The following FMOD variants were observed in gnomAD, a reference collection of about 807,000 sequenced individuals.
FMOD encodes the protein KSPG fibromodulin.
Under a neutral mutation model 27.0 loss-of-function variants are expected in FMOD, and 15 were observed. The ratio of observed to expected loss-of-function variants is 0.55; its 90% CI spans 0.37 to 0.85. The LOEUF is 0.85. Ranked by LOEUF, FMOD falls within the 40% of genes least tolerant of loss-of-function variation. The pLI is 0.00. For synonymous variants in FMOD, 210 were observed against 214.0 expected (o/e 0.98, Z 0.16); for missense variants, 460 against 483.2 (o/e 0.95, Z 0.45).
chr1:203,344,974 G>T (rs898898726), intron 2 of FMOD, among the ~76,000 whole-genome samples: 4 of 152,150 alleles, frequency 2.6e-5, no homozygotes, highest in Admixed American at 6.5e-5. Context: ...AAAACTGCCT[G>T]TCAACTTTAA....
intron 2 of FMOD, among the ~76,000 whole-genome samples, chr1:203,344,145 A>G (rs1658846227): frequency 6.6e-6 from 1 of 152,152 alleles, no homozygotes; most frequent in Non-Finnish European, 1.5e-5. Context: ...GGCTGGGTCT[A>G]TGTTATCTGT....
At chr1:203,349,409 A>G (rs1658953606) in intron 1 of FMOD, among the ~76,000 whole-genome samples, 1 of 152,142 alleles carries the variant, frequency 6.6e-6, no homozygotes, top group South Asian at 2.1e-4. Flanking sequence ...TGTGCTAATG[A>G]GATAGGAACA....
In FMOD at chr1:203,342,504, C is replaced by A; in HGVS notation, c.980-10G>T. 6.2e-7 allele frequency: 1 copy of A among 1,612,008 alleles called. No individual in the cohort carries two copies. Among genetic ancestry groups the A allele is most frequent in the South Asian group, 1.1e-5 (1 of 90,866 alleles). ...CTGCTGATGGAGAACTCTGTGGGGA[C>A]AAGAGGAGCACGGGTCAGGGAGAGA... On this transcript the variant is annotated splice_polypyrimidine_tract_variant and intron_variant, in intron 2 of 2. Transcript: ENST00000354955.
rs779498869 is a variant in FMOD, at chr1:203,342,388, G to A, written c.1086C>T (p.Ala362=). ...GNEIKRSAMP[A]DAPLCLRLAS... ...CAAGGCGCAGGCAGAGGGGCGCGTCGGCAGGCATGGCGCTGCGCTTGATCT... is the reference window on the plus strand; with the variant it reads ...CAAGGCGCAGGCAGAGGGGCGCGTCAGCAGGCATGGCGCTGCGCTTGATCT... Residue 362 remains alanine (A), a synonymous_variant, in exon 3 of 3, where the codon GCC becomes GCT. Coordinates refer to ENST00000354955, the MANE Select transcript of FMOD (RefSeq NM_002023.5). 3.0e-5 allele frequency: 49 copies of A among 1,613,642 alleles called. No homozygotes were observed. The highest frequency in any genetic ancestry group is 1.6e-4 in the Middle Eastern group (1 of 6,074).
chr1:203,347,986 G>A lies in FMOD; in HGVS notation c.285C>T (p.Arg95=), dbSNP rs1658922349. ...GAACGAAGGGCAGGTACTTGAGGTT[G>A]CGATTGTCACAGTACATGGCCGTGG... ...NFPTAMYCDN[R]NLKYLPFVPS... The change falls in exon 2 of 3, where the codon CGC becomes CGT. Residue 95 remains arginine (R), a synonymous_variant. Transcript: ENST00000354955. The A allele has an allele frequency of 1.9e-6, 3 of 1,604,016 alleles. No homozygotes were observed. In the South Asian group the frequency reaches 3.3e-5, roughly 18 times the overall value.
chr1:203,346,202 C>T (rs899748848), intron 2 of FMOD, among the ~76,000 whole-genome samples: 6 of 152,056 alleles, frequency 3.9e-5, no homozygotes, highest in Non-Finnish European at 8.8e-5. Flanking sequence ...GAGAGGGTGA[C>T]GACTCTGTTC....
chr1:203,344,000 G>A (rs1400809465), intron 2 of FMOD, among the ~76,000 whole-genome samples: 1 of 152,176 alleles, frequency 6.6e-6, no homozygotes, highest in Non-Finnish European at 1.5e-5. Flanking sequence ...AGCGGAAACT[G>A]GGAAATACTC....
In FMOD at chr1:203,342,446, GAGA is replaced by G. The variant is rs1236165565; in HGVS notation, c.1025_1027del (p.Phe342del). The G allele has an allele frequency of 6.2e-7, 1 of 1,614,188 alleles. No individual in the cohort carries two copies. The highest frequency in any genetic ancestry group is 8.5e-7 in the Non-Finnish European group (1 of 1,179,998). On this transcript the variant is annotated inframe_deletion, in exon 3 of 3. Coordinates refer to ENST00000354955, the MANE Select transcript of FMOD (RefSeq NM_002023.5). ...GTCCAGGCGCAGCACCTGCAGCTTG[GAGA>G]AGTTCACGACGTCCACCACGGTGCA...
chr1:203,343,201 C>T (rs946401160), intron 2 of FMOD, among the ~76,000 whole-genome samples: 1 of 152,178 alleles, frequency 6.6e-6, no homozygotes, highest in African/African-American at 2.4e-5. Flanking sequence ...AATCTACTCC[C>T]TTTTTTAAAC....
chr1:203,346,601 C>G lies in FMOD; in HGVS notation c.979+691G>C, dbSNP rs1658892232. ...GCTCATGTTACCCTAGGAAGGATATCTGCCCTGCCACCAGGGGGTCCTTGT... is the reference window on the plus strand; with the variant it reads ...GCTCATGTTACCCTAGGAAGGATATGTGCCCTGCCACCAGGGGGTCCTTGT... On this transcript the variant is annotated intron_variant, in intron 2 of 2. Coordinates refer to ENST00000354955, the MANE Select transcript of FMOD (RefSeq NM_002023.5). Among the ~76,000 whole-genome samples the G allele has an allele frequency of 2.0e-5, 3 of 151,600 alleles. No individual in the cohort carries two copies. In the South Asian group the frequency reaches 6.3e-4, roughly 32 times the overall value.
In FMOD at chr1:203,348,977, G is replaced by T. The variant is rs36037256; in HGVS notation, c.-7-700C>A. ...GAGGAAACTCACTGGTTAGCAGTTT[G>T]TGGCTACACATGCAACTTGGCTGGG... On this transcript the variant is annotated intron_variant, in intron 1 of 2. Transcript: ENST00000354955. 1.4e-3 allele frequency among the ~76,000 whole-genome samples: 207 copies of T among 152,352 alleles called. 1 individual carries two copies. Among genetic ancestry groups the T allele is most frequent in the East Asian group, 0.01 (54 of 5,192 alleles).
intron 1 of FMOD, among the ~76,000 whole-genome samples, chr1:203,348,485 G>A (rs1293354754): frequency 6.6e-6 from 1 of 152,162 alleles, no homozygotes. Context: ...GGCTATTTGG[G>A]GTGAGCTAAG....
intron 2 of FMOD, among the ~76,000 whole-genome samples, chr1:203,346,856 C>T (rs889532850): frequency 2.6e-5 from 4 of 152,128 alleles, no homozygotes; most frequent in Non-Finnish European, 5.9e-5. Context: ...TAAACTTCTC[C>T]GAACTCATCT....
chr1:203,350,524 CT>C (rs1658972540), intron 1 of FMOD, among the ~76,000 whole-genome samples: 1 of 152,076 alleles, frequency 6.6e-6, no homozygotes, highest in Non-Finnish European at 1.5e-5. Context: ...CCACAGCTCC[CT>C]GGACATGGCC....
rs1341982179 is a variant in FMOD, at chr1:203,348,111, G to A, written c.160C>T (p.Pro54Ser). The A allele has an allele frequency of 1.9e-6, 3 of 1,614,074 alleles. No homozygotes were observed. Among genetic ancestry groups the A allele is most frequent in the Non-Finnish European group, 2.5e-6 (3 of 1,180,028 alleles). The change falls in exon 2 of 3, where the codon CCC (proline) becomes TCC (serine). Residue 54 changes from proline to serine, a missense_variant. Pro to Ser is a moderately conservative substitution (Grantham distance 74). Transcript: ENST00000354955. Reference sequence around the variant, plus strand: ...GCTGGCCCTTCATCCACCCCATAGGGGTAAGGCTCGTAGGTCTCATACGGG... The same window carrying A: ...GCTGGCCCTTCATCCACCCCATAGGAGTAAGGCTCGTAGGTCTCATACGGG... ...PYPYETYEPY[P>S]YGVDEGPAYT...
chr1:203,349,847 T>C (rs575511941), intron 1 of FMOD, among the ~76,000 whole-genome samples: 1 of 152,316 alleles, frequency 6.6e-6, no homozygotes, highest in East Asian at 1.9e-4. Flanking sequence ...AGTTCCTAGG[T>C]TGCAGAGGAG....
At position 203,343,949 on chromosome 1, in the gene FMOD, A is replaced by C. The variant is rs537965570; in HGVS notation, c.980-1455T>G. On this transcript the variant is annotated intron_variant, in intron 2 of 2. Transcript: ENST00000354955. ...TTAACTTGTATTGCAGGCATAACAC[A>C]GAAAATCTAGGCCTAAAGAAAATTA... Among the ~76,000 whole-genome samples the C allele has an allele frequency of 2.0e-5, 3 of 152,376 alleles. No homozygotes were observed. The South Asian group carries it at 6.2e-4, about 32-fold the overall frequency.
At chr1:203,348,330 A>G (rs139728195) in intron 1 of FMOD, 53 bp from the exon 2 acceptor site, 16 of 1,553,642 alleles carry the variant, frequency 1.0e-5, no homozygotes, top group Non-Finnish European at 1.4e-5. Context: ...GACTCCACAG[A>G]GGCAGTGAGG....
chr1:203,344,457 A>G (rs190070481), intron 2 of FMOD, among the ~76,000 whole-genome samples: 3 of 152,216 alleles, frequency 2.0e-5, no homozygotes, highest in East Asian at 1.9e-4. Context: ...ACTGGAGGAC[A>G]TTTTTCTAGC....
Sources: gnomAD v4.1 joint callset for allele counts (sites outside exome capture counted in the v4.1 genomes callset) on GRCh38, gnomAD v4.1.1 for gene constraint, MANE v1.5 for transcripts, NCBI Gene and HGNC (gene_info 2026-07-23, HGNC 2026-07-21) for gene names.